Variants in VIT observed in about 807,000 individuals in gnomAD.
The protein encoded by VIT is vitrin.
VIT carries 99 observed loss-of-function variants against 78.0 expected under a neutral mutation model. The ratio of observed to expected loss-of-function variants is 1.27; its 90% CI spans 1.08 to 1.50. VIT has a LOEUF of 1.50. Among genes scored for constraint, VIT ranks in the 40% most tolerant of loss-of-function variants. The pLI is 0.00. For synonymous variants in VIT, 374 were observed against 334.3 expected (o/e 1.12, Z -1.29); for missense variants, 1,126 against 875.3 (o/e 1.29, Z -3.61).
chr2:36,725,602 T>TGGGGGGGGGGGG (rs112932967), intron 2 of VIT, among the ~76,000 whole-genome samples: 3 of 48,814 alleles, frequency 6.1e-5, no homozygotes, highest in Non-Finnish European at 1.2e-4. Flanking sequence ...AGTTGAGGGG[T>TGGGGGGGGGGGG]GGGGGGGGGG....
At chr2:36,767,803 T>C (rs1572504638) in intron 7 of VIT, among the ~76,000 whole-genome samples, 2 of 152,246 alleles carry the variant, frequency 1.3e-5, no homozygotes, top group South Asian at 4.1e-4. Flanking sequence ...CTACATCAAA[T>C]AGGGCCTAAG....
chr2:36,763,982 GA>G (rs199604748), intron 6 of VIT, among the ~76,000 whole-genome samples: 2,811 of 152,298 alleles, frequency 0.018, 44 homozygotes, highest in Middle Eastern at 0.061. Flanking sequence ...TGATACACTT[GA>G]AAGCATCTGC....
intron 2 of VIT, among the ~76,000 whole-genome samples, chr2:36,725,158 C>A (rs1306288797): frequency 6.6e-6 from 1 of 152,116 alleles, no homozygotes; most frequent in Non-Finnish European, 1.5e-5. Context: ...TGTTTCTGTT[C>A]TCCTAGGATA....
intron 3 of VIT, among the ~76,000 whole-genome samples, chr2:36,739,459 C>A (rs552144072): frequency 6.6e-6 from 1 of 152,166 alleles, no homozygotes; most frequent in Non-Finnish European, 1.5e-5. Flanking sequence ...CAATTTTGTA[C>A]TAAAAATTGA....
At chr2:36,777,600 C>G (rs1189845581) in intron 9 of VIT, among the ~76,000 whole-genome samples, 1 of 152,174 alleles carries the variant, frequency 6.6e-6, no homozygotes, top group Non-Finnish European at 1.5e-5. Context: ...GGCTCATCTC[C>G]TACTGAGCTT....
Position 36,783,388 on chromosome 2 carries a change from C to G in VIT, c.896C>G (p.Ser299Cys). Residue 299 changes from serine (S) to cysteine (C), a missense_variant, in exon 11 of 16, where the codon TCC (serine) becomes TGC (cysteine). Coordinates refer to ENST00000379242, the MANE Select transcript of VIT (RefSeq NM_053276.4). ...ELSTQSLEPV[S>C]LGDPNCKIDL... is the part of the protein sequence containing the mutation. The stretch of plus-strand genomic sequence containing the variant: ...AGCACACAGTCTTTGGAGCCAGTAT[C>G]CCTGGGAGATCCAAGTAAGTTAATT... 6.2e-7 allele frequency: 1 copy of G among 1,614,140 alleles called. No homozygotes were observed. Among genetic ancestry groups the G allele is most frequent in the Non-Finnish European group, 8.5e-7 (1 of 1,180,010 alleles).
intron 6 of VIT, among the ~76,000 whole-genome samples, chr2:36,765,172 G>T (rs1572499199): frequency 1.3e-5 from 2 of 152,216 alleles, no homozygotes; most frequent in South Asian, 2.1e-4. Flanking sequence ...TTCCCCAGGT[G>T]GGCTCTAAAT....
At chr2:36,721,395 C>G (rs949058492) in intron 2 of VIT, among the ~76,000 whole-genome samples, 2 of 152,150 alleles carry the variant, frequency 1.3e-5, no homozygotes, top group African/African-American at 4.8e-5. Context: ...TCTCTCTCCT[C>G]TGCTCACATG....
chr2:36,801,421 C>G lies in VIT; in HGVS notation c.1162+17C>G, dbSNP rs550231530. 3 of 1,568,182 alleles carry G rather than the reference C, an allele frequency of 1.9e-6. No individual in the cohort carries two copies. The highest frequency in any genetic ancestry group is 2.7e-5 in the African/African-American group (2 of 73,944). On this transcript the variant is annotated intron_variant, in intron 13 of 15. Coordinates refer to ENST00000379242, the MANE Select transcript of VIT (RefSeq NM_053276.4). Reference sequence around the variant, plus strand: ...CTAATGTAGGTATGTGATCCGGATTCAAATTATACTATCTTGCTACCATCG... The same window carrying G: ...CTAATGTAGGTATGTGATCCGGATTGAAATTATACTATCTTGCTACCATCG...
chr2:36,715,177 TACCCCCC>T (rs1666047571), intron 1 of VIT, among the ~76,000 whole-genome samples: 1 of 152,200 alleles, frequency 6.6e-6, no homozygotes, highest in South Asian at 2.1e-4. Context: ...TCTCTAGCAC[TACCCCCC>T]ACCTACTGGA....
rs554673833 is a variant in VIT at position 36,741,327 on chromosome 2, C to A, written c.119-1773C>A. On this transcript the variant is annotated intron_variant, in intron 3 of 15. Coordinates refer to ENST00000379242, the MANE Select transcript of VIT (RefSeq NM_053276.4). ...AAGAAAATAGCCGGCGAGGAGGCAACCTTTGATGGGGAGAATGAAACCACA... is the reference window on the plus strand; with the variant it reads ...AAGAAAATAGCCGGCGAGGAGGCAAACTTTGATGGGGAGAATGAAACCACA... Among the ~76,000 whole-genome samples, 5 of 152,252 alleles carry A rather than the reference C, an allele frequency of 3.3e-5. No homozygotes were observed. In the East Asian group the frequency reaches 7.7e-4, roughly 24 times the overall value.
chr2:36,701,567 A>G (rs1457460340), intron 1 of VIT, among the ~76,000 whole-genome samples: 3 of 152,220 alleles, frequency 2.0e-5, no homozygotes, highest in Non-Finnish European at 4.4e-5. Flanking sequence ...ACTGCCCTTC[A>G]GGCTATAGTG....
intron 4 of VIT, among the ~76,000 whole-genome samples, chr2:36,753,988 A>C (rs527661239): frequency 1.3e-5 from 2 of 152,370 alleles, no homozygotes; most frequent in East Asian, 3.9e-4. Flanking sequence ...ATGAATGGCA[A>C]TAACAGCATT....
At chr2:36,736,959 T>C (rs1667544616) in intron 3 of VIT, among the ~76,000 whole-genome samples, 2 of 152,304 alleles carry the variant, frequency 1.3e-5, no homozygotes, top group Middle Eastern at 3.4e-3. Flanking sequence ...AGAGCTTTTT[T>C]TATACAGTCT....
chr2:36,759,337 G>C, intron 6 of VIT: 1 of 1,425,752 alleles, frequency 7.0e-7, no homozygotes, highest in Non-Finnish European at 9.1e-7. Flanking sequence ...TGTTGCTTTA[G>C]AAAATGACAT....
intron 1 of VIT, among the ~76,000 whole-genome samples, chr2:36,704,205 C>T (rs1278271461): frequency 6.6e-6 from 1 of 152,102 alleles, no homozygotes; most frequent in Non-Finnish European, 1.5e-5. Context: ...GGATTACAGG[C>T]ATGAGCCACC....
At chr2:36,794,413 G>A (rs1273726292) in intron 12 of VIT, among the ~76,000 whole-genome samples, 2 of 152,114 alleles carry the variant, frequency 1.3e-5, no homozygotes, top group Admixed American at 6.6e-5. Flanking sequence ...AAATTTAGTG[G>A]CATACCTCTT....
intron 8 of VIT, chr2:36,774,719 G>A: frequency 2.0e-6 from 2 of 985,384 alleles, no homozygotes; most frequent in Non-Finnish European, 2.4e-6. Flanking sequence ...AAAGGCTTGA[G>A]AATGAGAACA....
At chr2:36,800,084 C>T (rs1470517302) in intron 12 of VIT, among the ~76,000 whole-genome samples, 18 of 149,588 alleles carry the variant, frequency 1.2e-4, no homozygotes, top group African/African-American at 4.2e-4. Flanking sequence ...CGGTGGCTCA[C>T]GCCTGTAATC....
Sources: gnomAD v4.1 joint callset for allele counts (sites outside exome capture counted in the v4.1 genomes callset) on GRCh38, gnomAD v4.1.1 for gene constraint, MANE v1.5 for transcripts, NCBI Gene and HGNC (gene_info 2026-07-23, HGNC 2026-07-21) for gene names.